Variants in PIK3R3 observed in about 807,000 individuals in gnomAD.
The protein encoded by PIK3R3 is phosphoinositide-3-kinase regulatory subunit 3.
In PIK3R3, 64 loss-of-function variants were observed where a neutral mutation model predicts 62.9. The ratio of observed to expected loss-of-function variants is 1.02; its 90% CI spans 0.83 to 1.25. The LOEUF is 1.25. Among genes scored for constraint, PIK3R3 ranks in the 50% most tolerant of loss-of-function variants. The pLI, the probability that PIK3R3 is intolerant of heterozygous loss-of-function variation, is 0.00. For synonymous variants in PIK3R3, 165 were observed against 189.0 expected, an observed-to-expected ratio of 0.87 and a Z score of 1.04; for missense variants, 614 against 561.6, an observed-to-expected ratio of 1.09 and a Z score of -0.94.
chr1:46,050,435 T>C (rs757955795), intron 7 of PIK3R3, among the ~76,000 whole-genome samples: 16 of 151,550 alleles, frequency 1.1e-4, no homozygotes, highest in Non-Finnish European at 1.9e-4. Flanking sequence ...GGTGGTGGTA[T>C]GCGCCTATAA....
the PIK3R3 span, among the ~76,000 whole-genome samples, chr1:46,168,694 A>C: frequency 6.6e-6 from 1 of 152,230 alleles, no homozygotes; most frequent in Admixed American, 6.5e-5. Context: ...ACCTCAAGGC[A>C]GTGAATCTGG....
At chr1:46,118,693 T>C (rs1265095115) in intron 1 of PIK3R3, among the ~76,000 whole-genome samples, 1 of 151,528 alleles carries the variant, frequency 6.6e-6, no homozygotes, top group Non-Finnish European at 1.5e-5. Flanking sequence ...GTACCTGGGA[T>C]TATAGGCGCC....
chr1:46,074,314 A>C (rs1174184149), intron 3 of PIK3R3, among the ~76,000 whole-genome samples: 3 of 100,732 alleles, frequency 3.0e-5, no homozygotes, highest in Non-Finnish European at 4.0e-5. Context: ...AAAAAAAAAA[A>C]AAACCAATAA....
intron 1 of PIK3R3, among the ~76,000 whole-genome samples, chr1:46,126,564 T>C (rs1482164452): frequency 6.6e-6 from 1 of 151,810 alleles, no homozygotes; most frequent in Non-Finnish European, 1.5e-5. Context: ...CAAATAAGTC[T>C]TCTATGAAGC....
At chr1:46,099,748 T>G in intron 1 of PIK3R3, among the ~76,000 whole-genome samples, 1 of 152,198 alleles carries the variant, frequency 6.6e-6, no homozygotes, top group Non-Finnish European at 1.5e-5. Flanking sequence ...GTCCATCTTC[T>G]AGAGTTTCCC....
chr1:46,149,421 CAAAAAA>C, the PIK3R3 span, among the ~76,000 whole-genome samples: 1 of 52,004 alleles, frequency 1.9e-5, no homozygotes, highest in Non-Finnish European at 3.9e-5. Context: ...GACTCTGTCT[CAAAAAA>C]AAAAAAAAAA....
At chr1:46,086,624 C>T (rs183836915) in intron 1 of PIK3R3, among the ~76,000 whole-genome samples, 3 of 152,152 alleles carry the variant, frequency 2.0e-5, no homozygotes, top group Non-Finnish European at 2.9e-5. Context: ...CGCTTGACCC[C>T]GGGAGGCAGA....
At chr1:46,086,352 A>T (rs1431838682) in intron 1 of PIK3R3, among the ~76,000 whole-genome samples, 1 of 152,176 alleles carries the variant, frequency 6.6e-6, no homozygotes, top group Non-Finnish European at 1.5e-5. Flanking sequence ...GCTACTCGGG[A>T]GGCTGAGATG....
chr1:46,049,214 G>C (rs972091893), intron 7 of PIK3R3, among the ~76,000 whole-genome samples: 1 of 151,506 alleles, frequency 6.6e-6, no homozygotes, highest in Non-Finnish European at 1.5e-5. Context: ...AAAATAGCTG[G>C]TGTTAGCATA....
chr1:46,156,015 C>T, the PIK3R3 span, among the ~76,000 whole-genome samples: 1 of 152,078 alleles, frequency 6.6e-6, no homozygotes, highest in East Asian at 1.9e-4. Context: ...TTTGTCGACC[C>T]CTGGTTTAGT....
At chr1:46,126,068 G>T (rs114096410) in intron 1 of PIK3R3, among the ~76,000 whole-genome samples, 1 of 152,180 alleles carries the variant, frequency 6.6e-6, no homozygotes, top group African/African-American at 2.4e-5. Flanking sequence ...CCGCAATCTA[G>T]AGTTTCTAAG....
the PIK3R3 span, among the ~76,000 whole-genome samples, chr1:46,160,629 GAC>G: frequency 6.6e-6 from 1 of 152,216 alleles, no homozygotes; most frequent in South Asian, 2.1e-4. Flanking sequence ...TGGCAAAGAT[GAC>G]CAACAGCCAT....
intron 3 of PIK3R3, among the ~76,000 whole-genome samples, chr1:46,071,403 G>C (rs1247500227): frequency 6.6e-6 from 1 of 151,878 alleles, no homozygotes; most frequent in Non-Finnish European, 1.5e-5. Flanking sequence ...GGAGCAGCTA[G>C]AAGTCAACAT....
At chr1:46,046,179 C>A in intron 8 of PIK3R3, 91 bp from the exon 9 acceptor site, 1 of 789,100 alleles carries the variant, frequency 1.3e-6, no homozygotes, top group Non-Finnish European at 2.0e-6. Context: ...ATCTTTAAAC[C>A]ACAAATAACA....
At chr1:46,091,955 GT>G (rs1247966919) in intron 1 of PIK3R3, among the ~76,000 whole-genome samples, 1 of 151,500 alleles carries the variant, frequency 6.6e-6, no homozygotes, top group Non-Finnish European at 1.5e-5. Flanking sequence ...ATTTTTATTG[GT>G]TTTTTTCACA....
chr1:46,050,468 G>A (rs929641871), intron 7 of PIK3R3, among the ~76,000 whole-genome samples: 3 of 151,378 alleles, frequency 2.0e-5, no homozygotes, highest in Admixed American at 2.0e-4. Context: ...AGGAGGCTGA[G>A]GCAAGAGAAT....
intron 1 of PIK3R3, among the ~76,000 whole-genome samples, chr1:46,086,699 G>C (rs899072411): frequency 1.3e-5 from 2 of 150,644 alleles, no homozygotes; most frequent in Non-Finnish European, 3.0e-5. Context: ...GACTGTCTAA[G>C]AAAAAAAAAG....
intron 7 of PIK3R3, among the ~76,000 whole-genome samples, chr1:46,055,375 G>A (rs974956851): frequency 1.7e-4 from 26 of 152,188 alleles, no homozygotes; most frequent in African/African-American, 6.0e-4. Context: ...CTCCCAAAGT[G>A]CTGGGGTTAC....
In PIK3R3 at chr1:46,044,062, G is replaced by A. The variant is rs188806992; in HGVS notation, c.1188-191C>T. On this transcript the variant is annotated intron_variant, in intron 9 of 9. Transcript: ENST00000262741. The surrounding 1 kb of genome is among the most constrained non-coding windows in gnomAD (Gnocchi z 4.2). ...TACGGGTGTTAAAACAACCACAAAT[G>A]TAAGGGTTTATTTATTTCTTTTTTT... Among the ~76,000 whole-genome samples, 1 of 149,260 alleles carries A rather than the reference G, an allele frequency of 6.7e-6. No homozygotes were observed. Among genetic ancestry groups the A allele is most frequent in the Admixed American group, 6.8e-5 (1 of 14,666 alleles).
Sources: gnomAD v4.1 joint callset for allele counts (sites outside exome capture counted in the v4.1 genomes callset) on GRCh38, gnomAD v4.1.1 for gene constraint, Gnocchi (gnomAD v3.1) non-coding constraint, MANE v1.5 for transcripts, NCBI Gene and HGNC (gene_info 2026-07-23, HGNC 2026-07-21) for gene names.